Variants in FANK1 observed in about 807,000 individuals in gnomAD.
The protein encoded by FANK1 is fibronectin type III and ankyrin repeat domains 1.
FANK1 carries 44 observed loss-of-function variants against 45.3 expected under a neutral mutation model. The ratio of observed to expected loss-of-function variants is 0.97; its 90% CI spans 0.76 to 1.25. FANK1 has a LOEUF of 1.25. FANK1 is among the 50% of genes most tolerant of loss of function. The pLI is 0.00. For missense variants in FANK1, 391 were observed against 424.4 expected, an observed-to-expected ratio of 0.92 and a Z score of 0.69; for synonymous variants, 149 against 152.5, an observed-to-expected ratio of 0.98 and a Z score of 0.17.
chr10:125,939,337 C>G (rs181071913), intron 1 of FANK1, among the ~76,000 whole-genome samples: 2 of 152,100 alleles, frequency 1.3e-5, no homozygotes, highest in East Asian at 3.9e-4. Context: ...ACTACATATT[C>G]GATAATATTA....
chr10:125,986,493 GA>G (rs1951566347), intron 2 of FANK1, among the ~76,000 whole-genome samples: 1 of 152,162 alleles, frequency 6.6e-6, no homozygotes, highest in Non-Finnish European at 1.5e-5. Flanking sequence ...TATGATGTTA[GA>G]GTTGTCTCCA....
At chr10:125,949,692 A>G (rs1241481295) in intron 1 of FANK1, among the ~76,000 whole-genome samples, 2 of 145,930 alleles carry the variant, frequency 1.4e-5, no homozygotes. Context: ...ATACTGCCCA[A>G]GGTAATTTAC....
At position 125,912,443 on chromosome 10, in the gene FANK1, AGTGTGTGTGTGTGTGTGT is replaced by A. The variant is rs60956003; in HGVS notation, c.13+15815_13+15832del. ...GTTTCCTTTTTATTGGCACCACCAA[AGTGTGTGTGTGTGTGTGT>A]GTGTGTGTGTGTGTGTGTGTGTGTG... On this transcript the variant is annotated intron_variant, in intron 1 of 10. Transcript: ENST00000368693. Among the ~76,000 whole-genome samples the A allele has an allele frequency of 3.4e-3, 503 of 147,296 alleles. 1 individual carries two copies. The highest frequency in any genetic ancestry group is 6.4e-3 in the African/African-American group (255 of 39,958).
intron 7 of FANK1, 97 bp from the exon 8 acceptor site, chr10:126,008,310 T>C: frequency 6.9e-7 from 1 of 1,440,644 alleles, no homozygotes; most frequent in Non-Finnish European, 9.2e-7. Flanking sequence ...GCTATCTAAG[T>C]CCGGGTGTTG....
chr10:125,954,165 G>T (rs1949428862), intron 1 of FANK1, among the ~76,000 whole-genome samples: 1 of 152,230 alleles, frequency 6.6e-6, no homozygotes. Flanking sequence ...GGGGGAAGGG[G>T]CAGTTTTGGT....
At chr10:125,917,521 A>G (rs1254246652) in intron 1 of FANK1, among the ~76,000 whole-genome samples, 1 of 152,210 alleles carries the variant, frequency 6.6e-6, no homozygotes, top group Non-Finnish European at 1.5e-5. Context: ...AACCTAATAT[A>G]TAAAGACATA....
At chr10:125,907,462 A>G (rs1457841121) in intron 1 of FANK1, 6 of 984,988 alleles carry the variant, frequency 6.1e-6, no homozygotes, top group Non-Finnish European at 6.0e-6. Flanking sequence ...TTTAGTGTGG[A>G]TGGGATCACT....
At chr10:125,952,439 G>A (rs1949299035) in intron 1 of FANK1, among the ~76,000 whole-genome samples, 1 of 152,110 alleles carries the variant, frequency 6.6e-6, no homozygotes, top group Non-Finnish European at 1.5e-5. Flanking sequence ...TGAATTTATA[G>A]TGTGCAGATT....
intron 2 of FANK1, among the ~76,000 whole-genome samples, chr10:125,982,813 T>TC (rs1951305221): frequency 6.6e-6 from 1 of 152,176 alleles, no homozygotes; most frequent in Admixed American, 6.5e-5. Context: ...AGCTGCGTTT[T>TC]CCCCTGCAGG....
At chr10:125,948,313 C>T (rs1417777106) in intron 1 of FANK1, among the ~76,000 whole-genome samples, 2 of 152,052 alleles carry the variant, frequency 1.3e-5, no homozygotes, top group Non-Finnish European at 2.9e-5. Flanking sequence ...TCAAAAAAAT[C>T]AATGAATCCA....
intron 1 of FANK1, among the ~76,000 whole-genome samples, chr10:125,898,545 A>G (rs907209847): frequency 2.0e-5 from 3 of 152,276 alleles, no homozygotes; most frequent in African/African-American, 4.8e-5. Flanking sequence ...TTACTTGTAC[A>G]TAGGCCCTGA....
chr10:125,951,820 A>C (rs1047652586), intron 1 of FANK1, among the ~76,000 whole-genome samples: 18 of 152,178 alleles, frequency 1.2e-4, no homozygotes, highest in Admixed American at 3.9e-4. Flanking sequence ...TTGTGGAAAA[A>C]AATTCATCTG....
chr10:125,955,507 G>T (rs1002873468), intron 1 of FANK1, among the ~76,000 whole-genome samples: 1 of 152,066 alleles, frequency 6.6e-6, no homozygotes, highest in African/African-American at 2.4e-5. Context: ...TTCAGACAGG[G>T]TCTTGCTGTG....
At chr10:125,989,515 T>G in intron 3 of FANK1, 1 of 787,434 alleles carries the variant, frequency 1.3e-6, no homozygotes, top group South Asian at 1.5e-5. Flanking sequence ...TTGTGTAGAC[T>G]AAAGTTAACT....
At position 125,996,575 on chromosome 10, in the gene FANK1, A is replaced by G. The variant is rs1952346913; in HGVS notation, c.424A>G (p.Lys142Glu). ...GGRVKVDVPNKFGFTALMVAA... is the reference protein window; with the variant it reads ...GGRVKVDVPNEFGFTALMVAA... ...CCGTGTTAAGGTTGATGTTCCCAAT[A>G]AGTTTGGCTTTACCGCTCTGATGGT... The change falls in exon 5 of 11, where the codon AAG becomes GAG. Residue 142 changes from lysine (K) to glutamate (E), a missense_variant. Transcript: ENST00000368693. The G allele has an allele frequency of 5.6e-6, 9 of 1,613,994 alleles. No individual in the cohort carries two copies. The highest frequency in any genetic ancestry group is 7.6e-6 in the Non-Finnish European group (9 of 1,180,020).
At chr10:125,917,514 CT>C (rs1416625685) in intron 1 of FANK1, among the ~76,000 whole-genome samples, 1 of 152,068 alleles carries the variant, frequency 6.6e-6, no homozygotes, top group Non-Finnish European at 1.5e-5. Flanking sequence ...TTTGACGAAC[CT>C]AATATATAAA....
chr10:125,954,730 GC>G (rs1328300589), intron 1 of FANK1, among the ~76,000 whole-genome samples: 1 of 152,050 alleles, frequency 6.6e-6, no homozygotes, highest in East Asian at 1.9e-4. Context: ...GACCAGCCTG[GC>G]CAACATAGTG....
intron 1 of FANK1, among the ~76,000 whole-genome samples, chr10:125,923,201 G>A (rs995164759): frequency 5.3e-5 from 8 of 151,404 alleles, no homozygotes; most frequent in African/African-American, 1.9e-4. Flanking sequence ...GCTTATGCCT[G>A]TAATCCCAGC....
chr10:125,940,395 G>A (rs754296799), intron 1 of FANK1, among the ~76,000 whole-genome samples: 1 of 152,116 alleles, frequency 6.6e-6, no homozygotes, highest in Admixed American at 6.5e-5. Context: ...ACTATGCCTG[G>A]ATGTGCACGT....
Sources: gnomAD v4.1 joint callset for allele counts (sites outside exome capture counted in the v4.1 genomes callset) on GRCh38, gnomAD v4.1.1 for gene constraint, MANE v1.5 for transcripts, NCBI Gene and HGNC (gene_info 2026-07-23, HGNC 2026-07-21) for gene names.